Variants in TDRD5 observed in about 807,000 individuals in gnomAD.
TDRD5 encodes the protein tudor domain containing 5.
A neutral mutation model predicts 120.6 loss-of-function variants in TDRD5; 41 were observed. The ratio of observed to expected loss-of-function variants is 0.34; its 90% confidence interval spans 0.26 to 0.44. TDRD5 has a LOEUF of 0.44. Among genes scored for constraint, TDRD5 ranks in the 20% least tolerant of loss-of-function variants. TDRD5 has a pLI of 1.00. For missense variants in TDRD5, 1,006 were observed against 1,221.2 expected (o/e 0.82, Z 2.63); for synonymous variants, 430 against 433.7 (o/e 0.99, Z 0.11).
chr1:179,604,180 G>A (rs1203865766), intron 4 of TDRD5, among the ~76,000 whole-genome samples: 1 of 151,818 alleles, frequency 6.6e-6, no homozygotes. Flanking sequence ...GTTTGTAGTA[G>A]CCTTGAATAA....
chr1:179,592,858 G>C lies in TDRD5; in HGVS notation c.232+11G>C. 6.2e-7 allele frequency: 1 copy of C among 1,611,790 alleles called. No homozygotes were observed. Among genetic ancestry groups the C allele is most frequent in the Non-Finnish European group, 8.5e-7 (1 of 1,177,974 alleles). On this transcript the variant is annotated intron_variant, in intron 2 of 17. Coordinates refer to ENST00000444136, the MANE Select transcript of TDRD5 (RefSeq NM_001199085.3). ...CTGTAATACTGAAAGGTAGGTTTAAGATTTTTGAAGGTCTATAAACTTTGT... is the reference window on the plus strand; with the variant it reads ...CTGTAATACTGAAAGGTAGGTTTAACATTTTTGAAGGTCTATAAACTTTGT...
chr1:179,650,457 G>T (rs571421843), intron 11 of TDRD5, among the ~76,000 whole-genome samples: 1 of 140,492 alleles, frequency 7.1e-6, no homozygotes, highest in African/African-American at 2.6e-5. Context: ...ATACCCTTAA[G>T]ACAAAAGAAG....
Position 179,650,867 on chromosome 1 carries a change from G to T in TDRD5, c.1801G>T (p.Glu601Ter). The T allele has an allele frequency of 6.2e-7, 1 of 1,613,948 alleles. No individual in the cohort carries two copies. Among genetic ancestry groups the T allele is most frequent in the South Asian group, 1.1e-5 (1 of 91,046 alleles). Residue 601 changes from glutamate to a stop codon, truncating the protein, a stop_gained and splice_region_variant, in exon 12 of 18, where the codon GAA (glutamate) becomes TAA (stop). Transcript: ENST00000444136. LOFTEE classifies it high-confidence loss of function. ...ATCCAATATCTTGATCATATTTCAG[G>T]AACACTGGACATCGAAAGCTATTTT... ...CSLAWVRPVE[E>*]HWTSKAILQF...
intron 17 of TDRD5, among the ~76,000 whole-genome samples, chr1:179,670,405 AAAT>A (rs1181571575): frequency 2.0e-5 from 3 of 152,082 alleles, no homozygotes; most frequent in Admixed American, 2.0e-4. Flanking sequence ...AAAAAAAAAA[AAAT>A]TATATATGTA....
intron 17 of TDRD5, among the ~76,000 whole-genome samples, chr1:179,674,574 G>A (rs1055571197): frequency 6.6e-6 from 1 of 151,980 alleles, no homozygotes; most frequent in African/African-American, 2.4e-5. Context: ...GATTTAGAGA[G>A]GATTTCCTCT....
intron 11 of TDRD5, among the ~76,000 whole-genome samples, chr1:179,644,147 A>G (rs1678211190): frequency 6.6e-6 from 1 of 152,220 alleles, no homozygotes; most frequent in Admixed American, 6.5e-5. Flanking sequence ...AACAACAAAT[A>G]CTGAAGGAAG....
At chr1:179,620,411 G>A (rs913927165) in intron 5 of TDRD5, among the ~76,000 whole-genome samples, 4 of 151,956 alleles carry the variant, frequency 2.6e-5, no homozygotes, top group African/African-American at 9.7e-5. Context: ...TACAATATTT[G>A]GGATGAAAAA....
intron 4 of TDRD5, among the ~76,000 whole-genome samples, chr1:179,596,890 A>G (rs1430545716): frequency 2.6e-5 from 4 of 152,192 alleles, no homozygotes; most frequent in Non-Finnish European, 5.9e-5. Flanking sequence ...TGTTTTCCAA[A>G]GTGGCTGTAT....
intron 17 of TDRD5, among the ~76,000 whole-genome samples, chr1:179,676,033 A>G (rs1473800122): frequency 1.3e-5 from 2 of 152,106 alleles, no homozygotes; most frequent in Admixed American, 6.5e-5. Flanking sequence ...TGGGAGCTCC[A>G]GTGTTAGGTG....
intron 17 of TDRD5, among the ~76,000 whole-genome samples, chr1:179,671,608 A>G (rs1225034734): frequency 3.6e-5 from 5 of 140,254 alleles, no homozygotes; most frequent in Non-Finnish European, 7.9e-5. Context: ...ATTTACTTCA[A>G]TAGGTTTTTG....
chr1:179,600,661 A>G (rs1287272789), intron 4 of TDRD5, among the ~76,000 whole-genome samples: 1 of 151,896 alleles, frequency 6.6e-6, no homozygotes, highest in Non-Finnish European at 1.5e-5. Flanking sequence ...ATTGTTTTGT[A>G]ACTTCTGTTT....
chr1:179,592,697 C>T lies in TDRD5; in HGVS notation c.82C>T (p.Pro28Ser). Residue 28 changes from proline (P) to serine (S), a missense_variant, in exon 2 of 18, where the codon CCA becomes TCA. By Grantham distance (74) the Pro-to-Ser change is moderately conservative (BLOSUM62 -1). This residue lies in a region of TDRD5 where 445 missense variants were observed against 515.5 expected (regional missense o/e 0.86). Coordinates refer to ENST00000444136, the MANE Select transcript of TDRD5 (RefSeq NM_001199085.3). ...LLISTKDGLS[P>S]QELEKEYLLM... The stretch of plus-strand genomic sequence containing the variant: ...CATTTCCACCAAAGATGGTTTGAGC[C>T]CACAGGAGTTGGAGAAGGAGTACCT... 6.2e-7 allele frequency: 1 copy of T among 1,614,046 alleles called. No individual in the cohort carries two copies. Among genetic ancestry groups the T allele is most frequent in the Non-Finnish European group, 8.5e-7 (1 of 1,180,018 alleles).
chr1:179,623,802 T>TAA (rs34338309), intron 6 of TDRD5, among the ~76,000 whole-genome samples: 3 of 148,850 alleles, frequency 2.0e-5, no homozygotes, highest in Non-Finnish European at 1.5e-5. Flanking sequence ...CCCAGCCAAT[T>TAA]AAAAAAAAAA....
intron 4 of TDRD5, among the ~76,000 whole-genome samples, chr1:179,607,267 C>T (rs890854719): frequency 2.4e-4 from 36 of 152,082 alleles, no homozygotes; most frequent in African/African-American, 8.7e-4. Flanking sequence ...GACTTTTGTA[C>T]ATTAACCTTG....
intron 14 of TDRD5, among the ~76,000 whole-genome samples, chr1:179,656,983 A>G (rs7545061): frequency 0.43 from 65,482 of 152,034 alleles, 14,241 homozygotes; most frequent in East Asian, 0.47. Context: ...AACCCGGAAG[A>G]CAGAGGGAGG....
chr1:179,603,527 T>TACAA (rs1675824046), intron 4 of TDRD5, among the ~76,000 whole-genome samples: 1 of 152,152 alleles, frequency 6.6e-6, no homozygotes, highest in African/African-American at 2.4e-5. Context: ...ATAGATGGCT[T>TACAA]TTATTACATT....
At chr1:179,664,999 A>G (rs2147767860) in intron 16 of TDRD5, among the ~76,000 whole-genome samples, 1 of 152,180 alleles carries the variant, frequency 6.6e-6, no homozygotes. Flanking sequence ...AGTGGATATG[A>G]AGGGTTTTCT....
intron 8 of TDRD5, among the ~76,000 whole-genome samples, chr1:179,635,051 T>G (rs948803360): frequency 6.6e-6 from 1 of 152,334 alleles, no homozygotes; most frequent in Admixed American, 6.5e-5. Flanking sequence ...CCTTTTTGTG[T>G]TCTTGTCTCC....
chr1:179,631,193 C>T (rs1021979591), intron 7 of TDRD5, among the ~76,000 whole-genome samples: 6 of 152,092 alleles, frequency 3.9e-5, no homozygotes, highest in Admixed American at 1.3e-4. Flanking sequence ...CGATTGAGAC[C>T]ATCCTGGCTA....
Sources: gnomAD v4.1 joint callset for allele counts (sites outside exome capture counted in the v4.1 genomes callset) on GRCh38, gnomAD v4.1.1 for gene constraint, gnomAD v4.1.1 regional missense constraint, MANE v1.5 for transcripts, NCBI Gene and HGNC (gene_info 2026-07-23, HGNC 2026-07-21) for gene names.